The following CSMD3 variants were observed in gnomAD, a reference collection of about 807,000 sequenced individuals.
The protein encoded by CSMD3 is CUB and Sushi multiple domains 3.
CSMD3 carries 177 observed loss-of-function variants against 435.2 expected under a neutral mutation model. That is an observed-to-expected ratio of 0.41 (90% CI 0.36 to 0.46). CSMD3 has a LOEUF of 0.46. CSMD3 is among the 20% of genes least tolerant of loss of function. CSMD3 has a pLI of 0.34. For synonymous variants in CSMD3, 1,656 were observed against 1,520.5 expected (o/e 1.09, Z -2.07); for missense variants, 4,265 against 4,504.6 (o/e 0.95, Z 1.52).
intron 23 of CSMD3, among the ~76,000 whole-genome samples, chr8:112,580,421 A>T (rs1830254787): frequency 6.6e-6 from 1 of 151,716 alleles, no homozygotes; most frequent in African/African-American, 2.4e-5. Context: ...CTTGCATCTT[A>T]CCCTTTTTGT....
intron 10 of CSMD3, among the ~76,000 whole-genome samples, chr8:112,860,663 G>C (rs982266752): frequency 6.6e-6 from 1 of 151,478 alleles, no homozygotes; most frequent in African/African-American, 2.4e-5. Flanking sequence ...TGATATCTCA[G>C]CAGTAATGCA....
intron 32 of CSMD3, among the ~76,000 whole-genome samples, chr8:112,434,335 G>A (rs1257106504): frequency 6.6e-6 from 1 of 152,054 alleles, no homozygotes; most frequent in African/African-American, 2.4e-5. Flanking sequence ...AGGCAGAGTT[G>A]GCATTTATAC....
intron 1 of CSMD3, among the ~76,000 whole-genome samples, chr8:113,344,723 C>G (rs1378364123): frequency 6.6e-6 from 1 of 152,102 alleles, no homozygotes; most frequent in African/African-American, 2.4e-5. Flanking sequence ...AACTGGTGTT[C>G]ATAAATCCAT....
chr8:113,326,254 T>C (rs918366533), intron 1 of CSMD3, among the ~76,000 whole-genome samples: 3 of 152,146 alleles, frequency 2.0e-5, no homozygotes, highest in African/African-American at 7.2e-5. Flanking sequence ...TTTGAACATG[T>C]TGATAGAGTT....
At chr8:113,120,802 T>A (rs1225813439) in intron 4 of CSMD3, among the ~76,000 whole-genome samples, 3 of 152,060 alleles carry the variant, frequency 2.0e-5, no homozygotes, top group Non-Finnish European at 4.4e-5. Flanking sequence ...TTTTATGGAG[T>A]CCAAAGCCAA....
intron 50 of CSMD3, chr8:112,310,734 G>A (rs1273797482): frequency 5.3e-6 from 3 of 571,292 alleles, no homozygotes; most frequent in Non-Finnish European, 9.4e-6. Flanking sequence ...AATAAAGTAT[G>A]TATACAAGGG....
intron 32 of CSMD3, among the ~76,000 whole-genome samples, chr8:112,464,778 T>G (rs538416739): frequency 6.6e-6 from 1 of 152,330 alleles, no homozygotes; most frequent in East Asian, 1.9e-4. Context: ...CTTCATGGCC[T>G]TAATCTATAC....
chr8:112,291,003 T>C (rs527467422), intron 56 of CSMD3, among the ~76,000 whole-genome samples: 1 of 152,170 alleles, frequency 6.6e-6, no homozygotes, highest in Admixed American at 6.6e-5. Flanking sequence ...ATGCACTTAT[T>C]AGATATTCAC....
chr8:112,485,186 G>A (rs766758234), intron 31 of CSMD3, among the ~76,000 whole-genome samples: 2 of 151,900 alleles, frequency 1.3e-5, no homozygotes, highest in African/African-American at 2.4e-5. Flanking sequence ...TTCCCCTATC[G>A]TATGAAAACA....
intron 32 of CSMD3, among the ~76,000 whole-genome samples, chr8:112,420,201 C>T (rs1812326163): frequency 6.6e-6 from 1 of 151,966 alleles, no homozygotes; most frequent in Non-Finnish European, 1.5e-5. Context: ...TAGTAAACAC[C>T]CATGAAACCA....
chr8:112,843,113 G>A (rs1359019797), intron 11 of CSMD3, among the ~76,000 whole-genome samples: 1 of 151,702 alleles, frequency 6.6e-6, no homozygotes, highest in Non-Finnish European at 1.5e-5. Context: ...TTTATGTTTG[G>A]TTTCTTTATA....
intron 20 of CSMD3, among the ~76,000 whole-genome samples, chr8:112,643,867 A>G (rs189071838): frequency 6.6e-6 from 1 of 152,230 alleles, no homozygotes; most frequent in African/African-American, 2.4e-5. Flanking sequence ...CTGATAAAAT[A>G]TATATGTAAT....
chr8:112,590,923 T>A (rs1831132868), intron 22 of CSMD3, among the ~76,000 whole-genome samples: 1 of 152,072 alleles, frequency 6.6e-6, no homozygotes, highest in African/African-American at 2.4e-5. Context: ...TGTTTGATAA[T>A]AAGGATTTCC....
At chr8:112,491,949 TTATA>T (rs1309021331) in intron 31 of CSMD3, among the ~76,000 whole-genome samples, 2 of 152,144 alleles carry the variant, frequency 1.3e-5, no homozygotes, top group African/African-American at 2.4e-5. Context: ...TTTTCCTTTC[TTATA>T]TAGAGAGAGT....
intron 70 of CSMD3, 52 bp from the exon 71 acceptor site, chr8:112,224,982 C>A (rs2129768950): frequency 6.6e-7 from 1 of 1,511,612 alleles, no homozygotes; most frequent in Non-Finnish European, 9.2e-7. Context: ...CCAGAAACAG[C>A]AGACTACAGC....
intron 6 of CSMD3, among the ~76,000 whole-genome samples, chr8:112,988,375 C>G (rs184667779): frequency 7.2e-5 from 11 of 152,166 alleles, no homozygotes; most frequent in African/African-American, 2.4e-4. Flanking sequence ...TACAACATAT[C>G]TCAATAGCTT....
chr8:112,487,068 C>T (rs939509255), intron 31 of CSMD3, among the ~76,000 whole-genome samples: 1 of 152,082 alleles, frequency 6.6e-6, no homozygotes, highest in African/African-American at 2.4e-5. Context: ...TACGTTGTAA[C>T]AATGGAAAAG....
chr8:112,976,130 T>C lies in CSMD3; in HGVS notation c.1049A>G (p.His350Arg), dbSNP rs754861128. 40 of 1,613,866 alleles carry C rather than the reference T, an allele frequency of 2.5e-5. No homozygotes were observed. Among genetic ancestry groups the C allele is most frequent in the Non-Finnish European group, 3.1e-5 (37 of 1,179,892 alleles). ...CTCTAACTCACCAGTGGAGGTAGTG[T>C]GGGTCAATGTAGAAGAACCTGTGGG... ...APYQGSSTLTHTTSTGELEEH... is the reference protein window; with the variant it reads ...APYQGSSTLTRTTSTGELEEH... The change falls in exon 7 of 71, where the codon CAC becomes CGC. Residue 350 changes from histidine to arginine, a missense_variant. This residue lies in a region of CSMD3 where 731 missense variants were observed against 755.4 expected (regional missense o/e 0.97). Transcript: ENST00000297405.
intron 62 of CSMD3, 148 bp from the exon 63 acceptor site, chr8:112,254,474 G>T: frequency 1.5e-6 from 1 of 658,648 alleles, no homozygotes; most frequent in Non-Finnish European, 2.7e-6. Flanking sequence ...TCTCTCCATG[G>T]ACAGAAGCCT....
Sources: gnomAD v4.1 joint callset for allele counts (sites outside exome capture counted in the v4.1 genomes callset) on GRCh38, gnomAD v4.1.1 for gene constraint, gnomAD v4.1.1 regional missense constraint, MANE v1.5 for transcripts, NCBI Gene and HGNC (gene_info 2026-07-23, HGNC 2026-07-21) for gene names.